The following DIAPH3 variants were observed in gnomAD, a reference collection of about 807,000 sequenced individuals.
DIAPH3 encodes the protein protein diaphanous homolog 3.
In DIAPH3, 117 loss-of-function variants were observed where a neutral mutation model predicts 144.3. That is an observed-to-expected ratio of 0.81 (90% confidence interval 0.70 to 0.95). The LOEUF is 0.95. Among genes scored for constraint, DIAPH3 ranks in the 40% least tolerant of loss-of-function variants. The pLI is 0.00. For synonymous variants in DIAPH3, 519 were observed against 488.9 expected (o/e 1.06, Z -0.81); for missense variants, 1,421 against 1,412.7 (o/e 1.01, Z -0.09).
chr13:59,866,214 T>C (rs1052852569), intron 21 of DIAPH3, among the ~76,000 whole-genome samples: 5 of 151,972 alleles, frequency 3.3e-5, no homozygotes, highest in African/African-American at 1.2e-4. Context: ...ATATAACACA[T>C]GTTAAGTGCT....
At chr13:59,821,253 C>G (rs895665069) in intron 24 of DIAPH3, among the ~76,000 whole-genome samples, 2 of 152,084 alleles carry the variant, frequency 1.3e-5, no homozygotes, top group African/African-American at 4.8e-5. Flanking sequence ...GAAAACAAGA[C>G]TAATTTTCTC....
intron 8 of DIAPH3, among the ~76,000 whole-genome samples, chr13:60,009,207 A>T (rs2053083496): frequency 1.3e-5 from 2 of 152,290 alleles, no homozygotes; most frequent in Admixed American, 1.3e-4. Flanking sequence ...AAATATAATA[A>T]TTATGCAAAA....
chr13:59,982,238 C>A (rs1342795138), intron 13 of DIAPH3, among the ~76,000 whole-genome samples: 7 of 151,330 alleles, frequency 4.6e-5, no homozygotes, highest in African/African-American at 1.5e-4. Context: ...CTTATACAAC[C>A]AAATGGTGTT....
At chr13:60,155,032 T>C (rs868843297) in intron 1 of DIAPH3, among the ~76,000 whole-genome samples, 1 of 152,166 alleles carries the variant, frequency 6.6e-6, no homozygotes, top group Non-Finnish European at 1.5e-5. Flanking sequence ...AATAAATATA[T>C]AAAGATTCTA....
chr13:60,080,943 T>C (rs1339448577), intron 4 of DIAPH3, among the ~76,000 whole-genome samples: 1 of 152,046 alleles, frequency 6.6e-6, no homozygotes, highest in Non-Finnish European at 1.5e-5. Context: ...TACATCACTA[T>C]GCTTTTTTAA....
rs1952428683 is a variant in DIAPH3, at chr13:60,163,926, T to C, written c.-160A>G. ...TGAAGTCGGGGCCGCAGCCAACACA[T>C]CTGAAAACTCCCGCCACCCGTGTTG... On this transcript the variant is annotated 5_prime_UTR_variant, in exon 1 of 28. An upstream start codon of the reference 5' UTR is lost. Transcript: ENST00000400324. The C allele has an allele frequency of 1.1e-6, 1 of 912,736 alleles. No individual in the cohort carries two copies. Among genetic ancestry groups the C allele is most frequent in the Admixed American group, 2.9e-5 (1 of 34,384 alleles). 56.5% of individuals were successfully genotyped at this position (912,736 alleles called of 1,614,324 possible).
chr13:59,731,783 G>A (rs545194168), intron 27 of DIAPH3, among the ~76,000 whole-genome samples: 1 of 152,264 alleles, frequency 6.6e-6, no homozygotes, highest in African/African-American at 2.4e-5. Context: ...AAAAAGTAAA[G>A]TTGCTTAGCT....
intron 20 of DIAPH3, among the ~76,000 whole-genome samples, chr13:59,906,857 ATATT>A (rs2046769190): frequency 6.6e-6 from 1 of 152,196 alleles, no homozygotes; most frequent in Non-Finnish European, 1.5e-5. Flanking sequence ...ATCCCACTGA[ATATT>A]TACATAAATC....
chr13:59,748,637 G>A (rs1656789067), intron 27 of DIAPH3, among the ~76,000 whole-genome samples: 1 of 152,156 alleles, frequency 6.6e-6, no homozygotes, highest in Non-Finnish European at 1.5e-5. Flanking sequence ...TGCTACAAGT[G>A]TTATTTACAA....
chr13:59,939,931 C>T (rs982145221), intron 17 of DIAPH3, among the ~76,000 whole-genome samples: 6 of 150,500 alleles, frequency 4.0e-5, no homozygotes, highest in Admixed American at 2.7e-4. Context: ...TTCAGAAATC[C>T]CTGGATGGTT....
chr13:59,861,639 G>A, intron 21 of DIAPH3, 103 bp from the exon 22 acceptor site: 1 of 1,274,292 alleles, frequency 7.8e-7, no homozygotes, highest in South Asian at 1.4e-5. Context: ...AGGACTAAAA[G>A]TTGTAAAATT....
Position 59,993,702 on chromosome 13 carries a change from T to TAAA in DIAPH3, c.1015-1122_1015-1120dup, listed in dbSNP as rs3078724. 2.0e-4 allele frequency among the ~76,000 whole-genome samples: 15 copies of TAAA among 73,874 alleles called. 1 individual carries two copies. The highest frequency in any genetic ancestry group is 4.9e-4 in the African/African-American group (8 of 16,478). 48.5% of individuals were successfully genotyped at this position (73,874 alleles called of 152,430 possible). On this transcript the variant is annotated intron_variant, in intron 9 of 27. Transcript: ENST00000400324. ...GAGAGAGGAAGAAGAGAAACATACT[T>TAAA]AAAAAAAAAAAAAAAAAAAACTTAA...
intron 4 of DIAPH3, among the ~76,000 whole-genome samples, chr13:60,087,426 T>A (rs1489991829): frequency 6.6e-6 from 1 of 152,212 alleles, no homozygotes; most frequent in Non-Finnish European, 1.5e-5. Context: ...CATATATCCA[T>A]ACACACAAAT....
At chr13:60,126,483 T>C (rs1053419586) in intron 2 of DIAPH3, among the ~76,000 whole-genome samples, 1 of 152,092 alleles carries the variant, frequency 6.6e-6, no homozygotes, top group African/African-American at 2.4e-5. Flanking sequence ...CAAAAACCAA[T>C]CGAACGGGAA....
chr13:59,691,120 G>C, intron 27 of DIAPH3, among the ~76,000 whole-genome samples: 1 of 152,122 alleles, frequency 6.6e-6, no homozygotes, highest in East Asian at 1.9e-4. Flanking sequence ...CTGGTGTTTA[G>C]GGAGAATGAT....
chr13:59,955,176 T>C (rs992176697), intron 17 of DIAPH3, among the ~76,000 whole-genome samples: 1 of 151,944 alleles, frequency 6.6e-6, no homozygotes, highest in Admixed American at 6.6e-5. Context: ...AAAATTCTAT[T>C]ATAAAACTAT....
At chr13:59,749,468 C>T (rs1184020896) in intron 27 of DIAPH3, among the ~76,000 whole-genome samples, 3 of 127,470 alleles carry the variant, frequency 2.4e-5, no homozygotes, top group East Asian at 2.3e-4. Flanking sequence ...TGCAGTGAGC[C>T]GAGATTGTGC....
chr13:59,882,079 A>G (rs1019223791), intron 20 of DIAPH3, among the ~76,000 whole-genome samples: 2 of 152,074 alleles, frequency 1.3e-5, no homozygotes, highest in African/African-American at 4.8e-5. Context: ...ATCTATGATA[A>G]TAACAGAAGG....
intron 1 of DIAPH3, 36 bp downstream of exon 1, chr13:60,163,550 CG>C: frequency 6.4e-7 from 1 of 1,564,494 alleles, no homozygotes; most frequent in Non-Finnish European, 8.7e-7. Flanking sequence ...TACGGCGGGG[CG>C]GGAGCGGCCC....
Sources: allele counts gnomAD v4.1 joint callset (sites outside exome capture counted in the v4.1 genomes callset), GRCh38; gene constraint gnomAD v4.1.1; transcripts MANE v1.5; gene names NCBI Gene and HGNC (gene_info 2026-07-23, HGNC 2026-07-21).